The following TG variants were observed in gnomAD, a reference collection of about 807,000 sequenced individuals.
The protein encoded by TG is thyroid hormones.
Under a neutral mutation model 324.7 loss-of-function variants are expected in TG, and 270 were observed. The observed-to-expected ratio is 0.83, with a 90% CI of 0.75 to 0.92. The LOEUF (loss-of-function observed/expected upper bound fraction) is 0.92. Among genes scored for constraint, TG ranks in the 40% least tolerant of loss-of-function variants. The pLI is 0.00. For missense variants in TG, 3,591 were observed against 3,456.4 expected (o/e 1.04, Z -0.98); for synonymous variants, 1,401 against 1,327.0 (o/e 1.06, Z -1.21).
At chr8:132,923,534 A>G (rs1469306543) in intron 22 of TG, 26 bp downstream of exon 22, 2 of 1,609,174 alleles carry the variant, frequency 1.2e-6, no homozygotes, top group African/African-American at 2.7e-5. Flanking sequence ...GAAATCAGTC[A>G]TGGTTCCTGG....
intron 41 of TG, among the ~76,000 whole-genome samples, chr8:133,091,542 G>C (rs983753061): frequency 6.6e-6 from 1 of 152,106 alleles, no homozygotes; most frequent in Admixed American, 6.5e-5. Flanking sequence ...ATGCTGCAGG[G>C]TCCATTTCAA....
At chr8:133,077,319 C>T (rs1025543254) in intron 41 of TG, among the ~76,000 whole-genome samples, 1 of 152,132 alleles carries the variant, frequency 6.6e-6, no homozygotes, top group Non-Finnish European at 1.5e-5. Flanking sequence ...GGAGAAGCTA[C>T]AGAAGAAGGA....
chr8:133,101,097 G>A (rs1849186235), intron 43 of TG, among the ~76,000 whole-genome samples: 1 of 152,116 alleles, frequency 6.6e-6, no homozygotes, highest in East Asian at 1.9e-4. Context: ...AGGGTGGCGG[G>A]TGGCAGGCTC....
chr8:133,109,700 G>T (rs1850108506), intron 43 of TG, among the ~76,000 whole-genome samples: 1 of 152,106 alleles, frequency 6.6e-6, no homozygotes, highest in Admixed American at 6.5e-5. Context: ...TGAGAAGAGG[G>T]TGCACCAGGG....
chr8:133,110,802 T>C (rs146804256), intron 43 of TG, among the ~76,000 whole-genome samples: 2 of 152,348 alleles, frequency 1.3e-5, no homozygotes, highest in African/African-American at 4.8e-5. Flanking sequence ...ATGCAAGAGC[T>C]GGAACCCAAA....
At chr8:133,052,489 C>T (rs1840599067) in intron 41 of TG, among the ~76,000 whole-genome samples, 2 of 152,162 alleles carry the variant, frequency 1.3e-5, no homozygotes, top group Admixed American at 1.3e-4. Flanking sequence ...CCCAGCCAGA[C>T]CTCTGACCTG....
At chr8:133,021,875 G>T (rs934860818) in intron 39 of TG, 116 bp from the exon 40 acceptor site, 2 of 1,302,186 alleles carry the variant, frequency 1.5e-6, no homozygotes, top group African/African-American at 2.9e-5. Flanking sequence ...ACTGCATGGG[G>T]CTAAGTATGC....
Position 132,907,894 on chromosome 8 carries a change from T to C in TG, c.3848-292T>C, listed in dbSNP as rs576597172. Among the ~76,000 whole-genome samples the C allele has an allele frequency of 5.1e-4, 78 of 152,268 alleles. 1 individual carries two copies. Among genetic ancestry groups the C allele is most frequent in the African/African-American group, 1.8e-3 (75 of 41,558 alleles). ...AAACCATACAGAGTGGCCCTGTCTG[T>C]ATGCAAGATGGCATGGAAGATTTTC... On this transcript the variant is annotated intron_variant, in intron 17 of 47. Transcript: ENST00000220616.
rs537375029 is a variant in TG at position 133,029,790 on chromosome 8, A to C, written c.7037-31A>C. The C allele has an allele frequency of 1.4e-4, 225 of 1,613,726 alleles. 5 individuals are homozygous for C. In the South Asian group the frequency reaches 2.4e-3, roughly 17 times the overall value. On this transcript the variant is annotated intron_variant, in intron 40 of 47. Coordinates refer to ENST00000220616, the MANE Select transcript of TG (RefSeq NM_003235.5). ...TTCAAATCCAAGGTTGTAAAGTCAC[A>C]AAGGATAAAAGGCTTTCCTCTTTTC...
Position 133,013,755 on chromosome 8 carries a change from C to G in TG, c.6553C>G (p.Arg2185Gly). ...TCGTGAAGAGGCCACCCACATCTAC[C>G]GGAAGCCAGGTAAGCCCAAGCCTAT... ...LLREEATHIY[R>G]KPGISLLSYE... is the part of the protein sequence containing the mutation. The change falls in exon 37 of 48, where the codon CGG becomes GGG. Residue 2185 changes from arginine (R) to glycine (G), a missense_variant. Arg to Gly is a moderately radical substitution (Grantham distance 125, BLOSUM62 -2). Coordinates refer to ENST00000220616, the MANE Select transcript of TG (RefSeq NM_003235.5). 1 of 1,610,624 alleles carries G rather than the reference C, an allele frequency of 6.2e-7. No homozygotes were observed. Among genetic ancestry groups the G allele is most frequent in the Non-Finnish European group, 8.5e-7 (1 of 1,179,912 alleles).
chr8:132,985,173 A>C (rs1164102930), intron 35 of TG, among the ~76,000 whole-genome samples: 1 of 152,214 alleles, frequency 6.6e-6, no homozygotes, highest in Non-Finnish European at 1.5e-5. Flanking sequence ...AAATTCCATA[A>C]AGCAAAACTT....
chr8:133,061,537 G>A (rs1190922419), intron 41 of TG, among the ~76,000 whole-genome samples: 3 of 152,204 alleles, frequency 2.0e-5, no homozygotes, highest in Non-Finnish European at 4.4e-5. Flanking sequence ...AGAGAATAGG[G>A]TTTTAGGGAA....
rs112070102 is a variant in TG, at chr8:132,946,725, A to G, written c.5234-2051A>G. On this transcript the variant is annotated intron_variant, in intron 26 of 47. Coordinates refer to ENST00000220616, the MANE Select transcript of TG (RefSeq NM_003235.5). ...GCTTCTGAACTACATTTTAGTGGAG[A>G]CTGCTTGGAAGTGGGGCTCTGAGGG... Among the ~76,000 whole-genome samples, 134 of 152,150 alleles carry G rather than the reference A, an allele frequency of 8.8e-4. 2 individuals are homozygous for G. Among genetic ancestry groups the G allele is most frequent in the African/African-American group, 3.1e-3 (130 of 41,512 alleles).
At chr8:133,015,249 T>G (rs1834915882) in intron 37 of TG, among the ~76,000 whole-genome samples, 1 of 152,186 alleles carries the variant, frequency 6.6e-6, no homozygotes, top group Non-Finnish European at 1.5e-5. Context: ...AAACACAAAT[T>G]AGACTGCTTC....
chr8:132,954,481 G>C (rs1320782645), intron 27 of TG, among the ~76,000 whole-genome samples: 1 of 152,214 alleles, frequency 6.6e-6, no homozygotes, highest in African/African-American at 2.4e-5. Flanking sequence ...TCTGAGGCCA[G>C]TTGTACTTAA....
At chr8:133,060,183 G>T (rs759925505) in intron 41 of TG, 2 of 1,612,618 alleles carry the variant, frequency 1.2e-6, no homozygotes, top group Non-Finnish European at 1.7e-6. Context: ...CCCTGGGGCC[G>T]CTGGTGATGC....
chr8:133,095,095 C>T lies in TG; in HGVS notation c.7291C>T (p.Gln2431Ter). Reference sequence around the variant, plus strand: ...CGTCATCAGCCATGAGAGGGCTCAGCAGCAGGCAATTGCTTTGGCAAAGGA... The same window carrying T: ...CGTCATCAGCCATGAGAGGGCTCAGTAGCAGGCAATTGCTTTGGCAAAGGA... Reference protein sequence around the residue: ...AAVISHERAQQQAIALAKEVS... With the variant: ...AAVISHERAQ Residue 2431 changes from glutamine to a stop codon, truncating the protein, a stop_gained, in exon 42 of 48, where the codon CAG becomes TAG. Transcript: ENST00000220616. LOFTEE classifies it high-confidence loss of function. The T allele has an allele frequency of 6.2e-7, 1 of 1,614,224 alleles. No homozygotes were observed. The highest frequency in any genetic ancestry group is 8.5e-7 in the Non-Finnish European group (1 of 1,180,036).
intron 26 of TG, among the ~76,000 whole-genome samples, chr8:132,946,438 T>G (rs765411907): frequency 3.9e-5 from 6 of 152,202 alleles, no homozygotes; most frequent in Non-Finnish European, 8.8e-5. Flanking sequence ...ACACATAAAG[T>G]ATCGGGCAGA....
chr8:133,004,907 G>A (rs1833888906), intron 35 of TG, among the ~76,000 whole-genome samples: 1 of 152,156 alleles, frequency 6.6e-6, no homozygotes, highest in African/African-American at 2.4e-5. Flanking sequence ...TGAAATTGAT[G>A]AGGCCAGAAC....
Sources: gnomAD v4.1 joint callset for allele counts (sites outside exome capture counted in the v4.1 genomes callset) on GRCh38, gnomAD v4.1.1 for gene constraint, MANE v1.5 for transcripts, NCBI Gene and HGNC (gene_info 2026-07-23, HGNC 2026-07-21) for gene names.